GKAP1: variants seen among roughly 807,000 people sequenced by gnomAD.
GKAP1 encodes the protein G kinase anchoring protein 1.
Under a neutral mutation model 56.7 loss-of-function variants are expected in GKAP1, and 31 were observed. That is an observed-to-expected ratio of 0.55 (90% CI 0.41 to 0.74). The LOEUF (loss-of-function observed/expected upper bound fraction) is 0.74, where lower values mean the gene tolerates loss of function less well. Ranked by LOEUF, GKAP1 falls within the 30% of genes least tolerant of loss-of-function variation. GKAP1 has a pLI of 0.00. For synonymous variants in GKAP1, 151 were observed against 138.6 expected, an observed-to-expected ratio of 1.09 and a Z score of -0.63; for missense variants, 364 against 402.3, an observed-to-expected ratio of 0.90 and a Z score of 0.82.
In GKAP1 at chr9:83,804,883, G is replaced by A. The variant is rs544664153; in HGVS notation, c.216+1419C>T. Among the ~76,000 whole-genome samples the A allele has an allele frequency of 1.9e-4, 29 of 150,100 alleles. No individual in the cohort carries two copies. The East Asian group carries it at 4.4e-3, about 23-fold the overall frequency. On this transcript the variant is annotated intron_variant, in intron 3 of 12. Transcript: ENST00000376371. Reference sequence around the variant, plus strand: ...CCCCGCCCGGCCAGCCGCCCCGTCCGGGAGGTGAGGGGCGCCTCTGCCCGG... The same window carrying A: ...CCCCGCCCGGCCAGCCGCCCCGTCCAGGAGGTGAGGGGCGCCTCTGCCCGG...
chr9:83,796,887 C>T (rs1229463675), intron 4 of GKAP1, among the ~76,000 whole-genome samples: 5 of 152,182 alleles, frequency 3.3e-5, no homozygotes, highest in Admixed American at 6.5e-5. Context: ...TTTTACAAAA[C>T]GTTCTAGCCT....
At position 83,745,024 on chromosome 9, in the gene GKAP1, A is replaced by C. The variant is rs568359653; in HGVS notation, c.905-2424T>G. Among the ~76,000 whole-genome samples, 5 of 152,196 alleles carry C rather than the reference A, an allele frequency of 3.3e-5. No homozygotes were observed. The East Asian group carries it at 9.7e-4, about 29-fold the overall frequency. On this transcript the variant is annotated intron_variant, in intron 10 of 12. Transcript: ENST00000376371. Reference sequence around the variant, plus strand: ...CTGGGGATTATTACAATTCAAGGTGAGATTTGGGTGGAGACACAGAGCCAA... The same window carrying C: ...CTGGGGATTATTACAATTCAAGGTGCGATTTGGGTGGAGACACAGAGCCAA...
chr9:83,798,297 C>T (rs1944279047), intron 4 of GKAP1, among the ~76,000 whole-genome samples: 1 of 152,184 alleles, frequency 6.6e-6, no homozygotes, highest in Non-Finnish European at 1.5e-5. Context: ...ATACATATAG[C>T]ATCTCCTAGA....
At chr9:83,752,624 T>C (rs1206831797) in intron 9 of GKAP1, among the ~76,000 whole-genome samples, 1 of 152,010 alleles carries the variant, frequency 6.6e-6, no homozygotes, top group African/African-American at 2.4e-5. Context: ...GTTCTGGAAA[T>C]AGACAGTGGT....
Position 83,759,807 on chromosome 9 carries a change from C to T in GKAP1, c.739-6448G>A, listed in dbSNP as rs58489738. Among the ~76,000 whole-genome samples the T allele has an allele frequency of 9.9e-3, 1,508 of 151,984 alleles. 21 individuals are homozygous for T. The highest frequency in any genetic ancestry group is 0.035 in the African/African-American group (1,432 of 41,318). ...ATAATTAGTAGTCTTTACCTTCCTT[C>T]GGTTTTTTCCTAGGCACTGCAGTGA... On this transcript the variant is annotated intron_variant, in intron 8 of 12. Transcript: ENST00000376371.
chr9:83,795,038 C>A (rs931271820), intron 4 of GKAP1, among the ~76,000 whole-genome samples: 1 of 151,822 alleles, frequency 6.6e-6, no homozygotes, highest in African/African-American at 2.4e-5. Flanking sequence ...TGCCTGTAAT[C>A]CCAGCTACTC....
At chr9:83,805,289 A>G (rs1313465823) in intron 3 of GKAP1, among the ~76,000 whole-genome samples, 1 of 152,040 alleles carries the variant, frequency 6.6e-6, no homozygotes, top group Non-Finnish European at 1.5e-5. Flanking sequence ...AAGAATCATC[A>G]CCACTCCCTA....
At chr9:83,793,435 T>C (rs1435371732) in intron 4 of GKAP1, among the ~76,000 whole-genome samples, 1 of 152,238 alleles carries the variant, frequency 6.6e-6, no homozygotes, top group Non-Finnish European at 1.5e-5. Context: ...GTAGTCTTAT[T>C]GAACATAATT....
intron 5 of GKAP1, among the ~76,000 whole-genome samples, chr9:83,785,902 C>T (rs1336491349): frequency 6.6e-6 from 1 of 152,218 alleles, no homozygotes; most frequent in African/African-American, 2.4e-5. Context: ...ATCCTTCTGG[C>T]TGTATCTCCA....
At chr9:83,781,846 C>CCT (rs1943977884) in intron 6 of GKAP1, among the ~76,000 whole-genome samples, 1 of 138,028 alleles carries the variant, frequency 7.2e-6, no homozygotes, top group Non-Finnish European at 1.5e-5. Flanking sequence ...TGTATTTCTT[C>CCT]TTTTTTTTTT....
intron 7 of GKAP1, among the ~76,000 whole-genome samples, chr9:83,769,987 T>C (rs930806986): frequency 5.9e-5 from 9 of 152,230 alleles, no homozygotes; most frequent in African/African-American, 9.6e-5. Flanking sequence ...TGTGTGCTTA[T>C]TGAAGATTTG....
chr9:83,761,229 A>AT (rs1198977245), intron 8 of GKAP1, among the ~76,000 whole-genome samples: 10 of 152,022 alleles, frequency 6.6e-5, no homozygotes, highest in African/African-American at 2.2e-4. Flanking sequence ...TAAAACACAG[A>AT]TAAAAAAAGA....
chr9:83,780,638 G>C (rs529857543), intron 6 of GKAP1, among the ~76,000 whole-genome samples: 1 of 152,190 alleles, frequency 6.6e-6, no homozygotes, highest in African/African-American at 2.4e-5. Flanking sequence ...TCTTATCCTA[G>C]TAAATCCCAC....
intron 2 of GKAP1, among the ~76,000 whole-genome samples, chr9:83,808,752 G>C (rs1944471325): frequency 6.6e-6 from 1 of 152,196 alleles, no homozygotes; most frequent in Admixed American, 6.5e-5. Flanking sequence ...AATATTCACT[G>C]TCTCTCCCTG....
intron 8 of GKAP1, among the ~76,000 whole-genome samples, chr9:83,758,621 T>C (rs901257563): frequency 8.6e-5 from 13 of 152,004 alleles, no homozygotes; most frequent in Admixed American, 3.9e-4. Flanking sequence ...TGGTGGTGCA[T>C]GCCAGTAATC....
At chr9:83,771,531 A>C (rs1943760507) in intron 7 of GKAP1, among the ~76,000 whole-genome samples, 1 of 152,212 alleles carries the variant, frequency 6.6e-6, no homozygotes. Flanking sequence ...TTACTATATG[A>C]ATGACATTAA....
intron 7 of GKAP1, among the ~76,000 whole-genome samples, chr9:83,778,503 T>C (rs770323055): frequency 6.6e-6 from 1 of 151,892 alleles, no homozygotes; most frequent in Non-Finnish European, 1.5e-5. Flanking sequence ...TGAGAACACA[T>C]GGACACATAG....
intron 2 of GKAP1, among the ~76,000 whole-genome samples, chr9:83,815,274 AT>A (rs1021686645): frequency 8.7e-5 from 13 of 150,224 alleles, no homozygotes; most frequent in South Asian, 4.2e-4. Flanking sequence ...AAGCAGGAGA[AT>A]TTTTTTTTTC....
intron 3 of GKAP1, among the ~76,000 whole-genome samples, chr9:83,804,108 T>G (rs1247021124): frequency 1.4e-5 from 2 of 144,916 alleles, no homozygotes; most frequent in African/African-American, 5.3e-5. Flanking sequence ...AGCCGCCCCG[T>G]CCGGGAGGGA....
Sources: allele counts gnomAD v4.1 joint callset (sites outside exome capture counted in the v4.1 genomes callset), GRCh38; gene constraint gnomAD v4.1.1; transcripts MANE v1.5; gene names NCBI Gene and HGNC (gene_info 2026-07-23, HGNC 2026-07-21).